Variants in AK3 observed in about 807,000 individuals in gnomAD.
The protein encoded by AK3 is GTP:AMP phosphotransferase AK3, mitochondrial.
Under a neutral mutation model 23.7 loss-of-function variants are expected in AK3, and 27 were observed. The ratio of observed to expected loss-of-function variants is 1.14; its 90% CI spans 0.84 to 1.57. The LOEUF is 1.57. Among genes scored for constraint, AK3 ranks in the 40% most tolerant of loss-of-function variants. The pLI is 0.00. For missense variants in AK3, 406 were observed against 285.6 expected (o/e 1.42, Z -3.04); for synonymous variants, 159 against 116.0 (o/e 1.37, Z -2.38).
chr9:4,711,212 G>A lies in AK3; in HGVS notation c.*1764C>T, dbSNP rs1390618285. Reference sequence around the variant, plus strand: ...CATTCAGAAGCCATTGAGACATCAGGCAGCAGAAAGGAAGGTGGGATGGAG... The same window carrying A: ...CATTCAGAAGCCATTGAGACATCAGACAGCAGAAAGGAAGGTGGGATGGAG... On this transcript the variant is annotated 3_prime_UTR_variant, in exon 5 of 5. Transcript: ENST00000381809. 6.6e-6 allele frequency: 1 copy of A among 152,614 alleles called. No individual in the cohort carries two copies. The highest frequency in any genetic ancestry group is 2.4e-5 in the African/African-American group (1 of 41,440). 9.5% of individuals were successfully genotyped at this position (152,614 alleles called of 1,614,324 possible). A position where few individuals can be genotyped will look rare whatever the true frequency, so the allele number is the denominator to read the frequency against.
Position 4,741,189 on chromosome 9 carries a change from A to C in AK3, c.-102T>G, listed in dbSNP as rs1411653625. ...GCGCCGGCCGGCTAGCAGCGCCACT[A>C]GCAGGCGGCTACTGCGGTTCCCCGG... is the stretch of plus-strand genomic sequence containing the variant. On this transcript the variant is annotated 5_prime_UTR_variant, in exon 1 of 5. Transcript: ENST00000381809. The C allele has an allele frequency of 1.9e-5, 24 of 1,251,004 alleles. No homozygotes were observed. Among genetic ancestry groups the C allele is most frequent in the Non-Finnish European group, 2.3e-5 (22 of 974,046 alleles). The allele number at this position is 1,251,004 out of a possible 1,614,324, so 77.5% of individuals were successfully genotyped here.
At chr9:4,715,135 CT>C (rs1841687605) in intron 4 of AK3, among the ~76,000 whole-genome samples, 1 of 142,426 alleles carries the variant, frequency 7.0e-6, no homozygotes, top group South Asian at 2.3e-4. Context: ...ATAAGAATCG[CT>C]TGAACCTGGG....
At chr9:4,738,984 GGCTGGTCTTGAATTCC>G (rs1490244829) in intron 1 of AK3, among the ~76,000 whole-genome samples, 1 of 151,796 alleles carries the variant, frequency 6.6e-6, no homozygotes, top group East Asian at 1.9e-4. Context: ...ATGTTGCCTA[GGCTGGTCTTGAATTCC>G]TGACCTCAAG....
chr9:4,718,249 A>G (rs1330025427), intron 4 of AK3, among the ~76,000 whole-genome samples, 170 bp downstream of exon 4: 1 of 152,238 alleles, frequency 6.6e-6, no homozygotes, highest in African/African-American at 2.4e-5. Context: ...ACTGAAGCCC[A>G]ACCTACCTTC....
intron 1 of AK3, among the ~76,000 whole-genome samples, chr9:4,728,974 CCT>C (rs1180577161): frequency 0.27 from 36,676 of 133,626 alleles, 6,186 homozygotes; most frequent in Non-Finnish European, 0.36. Flanking sequence ...CATATATATA[CCT>C]ACATATATAT....
chr9:4,726,097 G>A (rs1587648502), intron 1 of AK3, among the ~76,000 whole-genome samples: 1 of 152,132 alleles, frequency 6.6e-6, no homozygotes, highest in Admixed American at 6.6e-5. Flanking sequence ...ATTTAAAATA[G>A]TTTTATTGCT....
At chr9:4,728,866 T>TATATATACACACACAC (rs1395790351) in intron 1 of AK3, among the ~76,000 whole-genome samples, 3 of 87,910 alleles carry the variant, frequency 3.4e-5, no homozygotes, top group African/African-American at 1.1e-4. Context: ...TATATATATA[T>TATATATACACACACAC]ACACACACAC....
intron 1 of AK3, among the ~76,000 whole-genome samples, chr9:4,724,122 C>T (rs1841967123): frequency 6.6e-6 from 1 of 152,192 alleles, no homozygotes; most frequent in African/African-American, 2.4e-5. Context: ...GCAGACTGCA[C>T]TTAGAAGAGG....
chr9:4,731,413 T>C (rs1842149508), intron 1 of AK3, among the ~76,000 whole-genome samples: 1 of 152,204 alleles, frequency 6.6e-6, no homozygotes, highest in African/African-American at 2.4e-5. Context: ...GATAAAGGCC[T>C]CCAGCTCCAT....
Position 4,722,770 on chromosome 9 carries a change from G to C in AK3, c.152-145C>G, listed in dbSNP as rs539911657. The C allele has an allele frequency of 6.2e-6, 8 of 1,285,180 alleles. No individual in the cohort carries two copies. In the South Asian group the frequency reaches 1.1e-4, roughly 18 times the overall value. The allele number at this position is 1,285,180 out of a possible 1,614,324, so 79.6% of individuals were successfully genotyped here. On this transcript the variant is annotated intron_variant, in intron 1 of 4. Transcript: ENST00000381809. ...ATCAACTTTTCTGATAAAAACAAAG[G>C]TTATGGCCGGGAACAGTGGTTCATA...
intron 1 of AK3, among the ~76,000 whole-genome samples, chr9:4,735,724 C>T (rs1418691667): frequency 1.3e-5 from 2 of 150,256 alleles, no homozygotes; most frequent in Non-Finnish European, 3.0e-5. Flanking sequence ...CTTCCTCGGC[C>T]TCCCAAAGTG....
rs370754329 is a variant in AK3 at position 4,722,575 on chromosome 9, C to G, written c.202G>C (p.Asp68His). 4 of 1,614,204 alleles carry G rather than the reference C, an allele frequency of 2.5e-6. No individual in the cohort carries two copies. The East Asian group carries it at 6.7e-5, about 27-fold the overall frequency. Reference sequence around the variant, plus strand: ...AGGGCCAGCCGAGTCATGACATCATCTGGGATGAGTTTCCCTTGGTCAATG... The same window carrying G: ...AGGGCCAGCCGAGTCATGACATCATGTGGGATGAGTTTCCCTTGGTCAATG... ...AFIDQGKLIP[D>H]DVMTRLALHE... Residue 68 changes from aspartate (D) to histidine (H), a missense_variant, in exon 2 of 5, where the codon GAT (aspartate) becomes CAT (histidine). Asp to His is a moderately conservative substitution (Grantham distance 81). Transcript: ENST00000381809.
chr9:4,737,422 A>G (rs774774372), intron 1 of AK3, among the ~76,000 whole-genome samples: 4 of 152,222 alleles, frequency 2.6e-5, no homozygotes, highest in South Asian at 2.1e-4. Flanking sequence ...ACTGTTTACT[A>G]TCAAGCAAGT....
At position 4,741,142 on chromosome 9, in the gene AK3, G is replaced by C. The variant is rs1288501378; in HGVS notation, c.-55C>G. 8.1e-6 allele frequency: 11 copies of C among 1,355,906 alleles called. No individual in the cohort carries two copies. The highest frequency in any genetic ancestry group is 2.7e-4 in the Middle Eastern group (1 of 3,702). 84.0% of individuals were successfully genotyped at this position (1,355,906 alleles called of 1,614,324 possible). Reference sequence around the variant, plus strand: ...GTACCAGGGCTTTGGCCTGGCCTGCGCGCTCACCCGCTCGGCAGCCTGCGC... The same window carrying C: ...GTACCAGGGCTTTGGCCTGGCCTGCCCGCTCACCCGCTCGGCAGCCTGCGC... On this transcript the variant is annotated 5_prime_UTR_variant, in exon 1 of 5. Transcript: ENST00000381809.
chr9:4,727,917 T>C (rs1014966208), intron 1 of AK3, among the ~76,000 whole-genome samples: 1 of 152,074 alleles, frequency 6.6e-6, no homozygotes, highest in Non-Finnish European at 1.5e-5. Context: ...TCTCAGGGAA[T>C]AGGGAAGCTC....
intron 1 of AK3, among the ~76,000 whole-genome samples, chr9:4,731,603 T>C (rs1195960945): frequency 1.3e-5 from 2 of 151,402 alleles, no homozygotes; most frequent in Admixed American, 6.6e-5. Flanking sequence ...AACTCCCTAA[T>C]CTGAGTCTAA....
rs1841503792 is a variant in AK3, at chr9:4,709,831, T to G, written c.*3145A>C. On this transcript the variant is annotated 3_prime_UTR_variant, in exon 5 of 5. Transcript: ENST00000381809. ...TGAGGATTTATTTTTATTTTTATTT[T>G]TATTTTTTGGTCAATGAGAAGACAC... 6.6e-6 allele frequency: 1 copy of G among 152,056 alleles called. No homozygotes were observed. The highest frequency in any genetic ancestry group is 1.5e-5 in the Non-Finnish European group (1 of 68,042). The allele number at this position is 152,056 out of a possible 1,614,324, so 9.4% of individuals were successfully genotyped here.
Position 4,709,956 on chromosome 9 carries a change from C to T in AK3, c.*3020G>A, listed in dbSNP as rs995656645. The T allele has an allele frequency of 6.6e-6, 1 of 151,966 alleles. No homozygotes were observed. The highest frequency in any genetic ancestry group is 1.5e-5 in the Non-Finnish European group (1 of 68,016). 9.4% of individuals were successfully genotyped at this position (151,966 alleles called of 1,614,324 possible). ...ACAATGATTTGTTGTTAGTATAGGG[C>T]AGTTTTGTCACAAGTTATGAGGATC... is the stretch of plus-strand genomic sequence containing the variant. On this transcript the variant is annotated 3_prime_UTR_variant, in exon 5 of 5. Coordinates refer to ENST00000381809, the MANE Select transcript of AK3 (RefSeq NM_016282.4).
chr9:4,716,792 C>G (rs1841747598), intron 4 of AK3, among the ~76,000 whole-genome samples: 1 of 152,082 alleles, frequency 6.6e-6, no homozygotes, highest in Non-Finnish European at 1.5e-5. Flanking sequence ...TTGGCCAGGT[C>G]TGGTGGCACG....
Sources: gnomAD v4.1 joint callset for allele counts (sites outside exome capture counted in the v4.1 genomes callset) on GRCh38, gnomAD v4.1.1 for gene constraint, MANE v1.5 for transcripts, NCBI Gene and HGNC (gene_info 2026-07-23, HGNC 2026-07-21) for gene names.